EDIL3: variants seen among roughly 807,000 people sequenced by gnomAD.
EDIL3 encodes the protein EGF-like repeat and discoidin I-like domain-containing protein 3.
EDIL3 carries 37 observed loss-of-function variants against 67.4 expected under a neutral mutation model. That is an observed-to-expected ratio of 0.55 (90% CI 0.42 to 0.72). EDIL3 has a LOEUF of 0.72. EDIL3 is among the 30% of genes least tolerant of loss of function. The probability of loss-of-function intolerance (pLI) is 0.00; values close to 1 mark genes in which losing one functional copy is unlikely to be tolerated. For synonymous variants in EDIL3, 195 were observed against 196.3 expected, an observed-to-expected ratio of 0.99 and a Z score of 0.05; for missense variants, 527 against 586.3, an observed-to-expected ratio of 0.90 and a Z score of 1.04.
chr5:84,258,243 G>A (rs1208558702), intron 1 of EDIL3, among the ~76,000 whole-genome samples: 1 of 152,172 alleles, frequency 6.6e-6, no homozygotes, highest in African/African-American at 2.4e-5. Context: ...GAGAAGTAAT[G>A]TCTGCGAATG....
intron 3 of EDIL3, among the ~76,000 whole-genome samples, chr5:84,205,811 T>G (rs1743963620): frequency 6.6e-6 from 1 of 152,178 alleles, no homozygotes; most frequent in Non-Finnish European, 1.5e-5. Flanking sequence ...CTTTTTTTCT[T>G]TATTAGTCTT....
Position 83,940,619 on chromosome 5 carries a change from TAA to T in EDIL3, c.*2798_*2799del, listed in dbSNP as rs1313822394. On this transcript the variant is annotated 3_prime_UTR_variant, in exon 11 of 11. Transcript: ENST00000296591. ...ATCCCAGCTTTTCAAAAGTTTATTTTAAGTTTGGAGACTAGACAAGGTCATAC... is the reference window on the plus strand; with the variant it reads ...ATCCCAGCTTTTCAAAAGTTTATTTTGTTTGGAGACTAGACAAGGTCATAC... 2 of 152,134 alleles carry T rather than the reference TAA, an allele frequency of 1.3e-5. No homozygotes were observed. The highest frequency in any genetic ancestry group is 1.9e-4 in the East Asian group (1 of 5,170). The allele number at this position is 152,134 out of a possible 1,614,324, so 9.4% of individuals were successfully genotyped here. A position where few individuals can be genotyped will look rare whatever the true frequency, so the allele number is the denominator to read the frequency against.
intron 1 of EDIL3, among the ~76,000 whole-genome samples, chr5:84,285,890 A>G (rs1321556724): frequency 3.3e-5 from 5 of 152,294 alleles, no homozygotes; most frequent in East Asian, 1.9e-4. Flanking sequence ...TATCAGTGCC[A>G]GTGCTTTATA....
At chr5:83,951,999 G>T (rs1438740055) in intron 10 of EDIL3, among the ~76,000 whole-genome samples, 1 of 151,740 alleles carries the variant, frequency 6.6e-6, no homozygotes, top group South Asian at 2.1e-4. Flanking sequence ...CAGTCAGCCC[G>T]ATGAGAGACC....
In EDIL3 at chr5:84,341,561, C is replaced by T. The variant is rs367556541; in HGVS notation, c.67+42747G>A. On this transcript the variant is annotated intron_variant, in intron 1 of 10. Transcript: ENST00000296591. ...TTCTGTGTAATGTTAAACTTTTGAA[C>T]TGCTTGCATTGCCCATGTAATTATT... 5.9e-5 allele frequency among the ~76,000 whole-genome samples: 9 copies of T among 152,204 alleles called. No individual in the cohort carries two copies. The South Asian group carries it at 1.9e-3, about 32-fold the overall frequency.
In EDIL3 at chr5:84,368,384, G is replaced by A. The variant is rs187230518; in HGVS notation, c.67+15924C>T. On this transcript the variant is annotated intron_variant, in intron 1 of 10. Transcript: ENST00000296591. ...CGATATGGATTGTCAATGGGGAAAG[G>A]ACAGGTTCTTCAACAAATGTTGCTG... Among the ~76,000 whole-genome samples, 149 of 152,230 alleles carry A rather than the reference G, an allele frequency of 9.8e-4. 1 individual carries two copies. Among genetic ancestry groups the A allele is most frequent in the African/African-American group, 3.3e-3 (136 of 41,552 alleles).
intron 1 of EDIL3, among the ~76,000 whole-genome samples, chr5:84,268,810 A>T (rs1702799344): frequency 6.6e-6 from 1 of 152,190 alleles, no homozygotes; most frequent in Non-Finnish European, 1.5e-5. Flanking sequence ...AATTCTAAAA[A>T]TAGTGTAAGC....
chr5:84,291,137 G>A (rs903324339), intron 1 of EDIL3, among the ~76,000 whole-genome samples: 9 of 152,166 alleles, frequency 5.9e-5, no homozygotes, highest in South Asian at 2.1e-4. Flanking sequence ...CAAGTTACTC[G>A]TAGCTGCTTG....
chr5:84,190,549 A>T (rs200699315), intron 3 of EDIL3, among the ~76,000 whole-genome samples: 3 of 134,898 alleles, frequency 2.2e-5, no homozygotes, highest in African/African-American at 8.6e-5. Flanking sequence ...ATATATATAT[A>T]TATGTGTGTG....
At chr5:84,360,245 G>C (rs1031498359) in intron 1 of EDIL3, among the ~76,000 whole-genome samples, 5 of 152,188 alleles carry the variant, frequency 3.3e-5, no homozygotes, top group Non-Finnish European at 5.9e-5. Flanking sequence ...GAGAAAAGGA[G>C]AGATTTTATG....
intron 4 of EDIL3, among the ~76,000 whole-genome samples, chr5:84,174,035 C>G (rs1267159653): frequency 6.6e-6 from 1 of 152,058 alleles, no homozygotes; most frequent in Non-Finnish European, 1.5e-5. Context: ...GACAAAGGAG[C>G]CAAAGGAAAG....
intron 9 of EDIL3, among the ~76,000 whole-genome samples, chr5:84,003,982 T>C (rs577361198): frequency 6.7e-6 from 1 of 148,426 alleles, no homozygotes; most frequent in East Asian, 2.0e-4. Flanking sequence ...TGGAGAAAGA[T>C]CTATCAAGCA....
At chr5:84,009,724 TG>T (rs568401805) in intron 9 of EDIL3, among the ~76,000 whole-genome samples, 82 of 152,278 alleles carry the variant, frequency 5.4e-4, no homozygotes, top group African/African-American at 1.9e-3. Context: ...GAGAAATGGA[TG>T]ACTCGAGACC....
At chr5:84,366,553 A>T (rs988162539) in intron 1 of EDIL3, among the ~76,000 whole-genome samples, 1 of 152,200 alleles carries the variant, frequency 6.6e-6, no homozygotes, top group Non-Finnish European at 1.5e-5. Context: ...ACATTATTCT[A>T]TAAATATGTA....
chr5:84,146,869 A>G (rs1748298797), intron 4 of EDIL3, among the ~76,000 whole-genome samples: 1 of 152,100 alleles, frequency 6.6e-6, no homozygotes, highest in Admixed American at 6.6e-5. Flanking sequence ...CTTATGTAAA[A>G]ATGTTTGAAA....
At chr5:84,137,143 A>G (rs1748105322) in intron 5 of EDIL3, 98 bp downstream of exon 5, 2 of 827,904 alleles carry the variant, frequency 2.4e-6, no homozygotes, top group Non-Finnish European at 3.5e-6. Context: ...GATGATGTAC[A>G]TAAAAATATA....
intron 1 of EDIL3, among the ~76,000 whole-genome samples, chr5:84,293,404 C>T (rs1407768084): frequency 6.6e-6 from 1 of 152,190 alleles, no homozygotes; most frequent in Non-Finnish European, 1.5e-5. Context: ...GGCACAGCCT[C>T]AGTTTGAATC....
Position 84,384,451 on chromosome 5 carries a change from G to C in EDIL3, c.-77C>G. 7.0e-7 allele frequency: 1 copy of C among 1,432,702 alleles called. No homozygotes were observed. The highest frequency in any genetic ancestry group is 9.8e-7 in the Non-Finnish European group (1 of 1,024,070). The allele number at this position is 1,432,702 out of a possible 1,614,324, so 88.7% of individuals were successfully genotyped here. ...CAGTGTAGCCGAGGTGGCAGCGCAG[G>C]GCAGCAGCAGACTCCGCCCCTACTA... On this transcript the variant is annotated 5_prime_UTR_variant, in exon 1 of 11. Transcript: ENST00000296591.
chr5:84,119,375 C>T (rs1416439480), intron 5 of EDIL3, among the ~76,000 whole-genome samples: 1 of 151,818 alleles, frequency 6.6e-6, no homozygotes, highest in Non-Finnish European at 1.5e-5. Flanking sequence ...ACTATCATGC[C>T]ACTTGGCATC....
Sources: gnomAD v4.1 joint callset for allele counts (sites outside exome capture counted in the v4.1 genomes callset) on GRCh38, gnomAD v4.1.1 for gene constraint, MANE v1.5 for transcripts, NCBI Gene and HGNC (gene_info 2026-07-23, HGNC 2026-07-21) for gene names.